The following SLC22A3 variants were observed in gnomAD, a reference collection of about 807,000 sequenced individuals.
SLC22A3 encodes EMT organic cation transporter 3.
Under a neutral mutation model 59.1 loss-of-function variants are expected in SLC22A3, and 51 were observed. The observed-to-expected ratio is 0.86, with a 90% CI of 0.69 to 1.09. SLC22A3 has a LOEUF of 1.09. Ranked by LOEUF, SLC22A3 falls within the 50% of genes least tolerant of loss-of-function variation. SLC22A3 has a pLI of 0.00. For missense variants in SLC22A3, 711 were observed against 726.3 expected, an observed-to-expected ratio of 0.98 and a Z score of 0.24; for synonymous variants, 325 against 292.0, an observed-to-expected ratio of 1.11 and a Z score of -1.15.
intron 1 of SLC22A3, among the ~76,000 whole-genome samples, chr6:160,352,189 G>A (rs138160767): frequency 1.2e-4 from 18 of 152,260 alleles, no homozygotes; most frequent in Non-Finnish European, 2.2e-4. Flanking sequence ...CACCACCTTC[G>A]CATCTTACAA....
intron 1 of SLC22A3, among the ~76,000 whole-genome samples, chr6:160,363,527 G>A (rs1785096524): frequency 6.6e-6 from 1 of 152,298 alleles, no homozygotes; most frequent in South Asian, 2.1e-4. Context: ...TCCACCTGCA[G>A]CTGGCTCTGA....
intron 4 of SLC22A3, among the ~76,000 whole-genome samples, chr6:160,410,397 TAAATC>T (rs1230312535): frequency 1.3e-5 from 2 of 152,250 alleles, no homozygotes; most frequent in Admixed American, 1.3e-4. Context: ...TCAGTTTACA[TAAATC>T]AGATTCCTAA....
chr6:160,363,232 G>A (rs982081062), intron 1 of SLC22A3, among the ~76,000 whole-genome samples: 1 of 152,230 alleles, frequency 6.6e-6, no homozygotes, highest in Non-Finnish European at 1.5e-5. Context: ...TCCAGGTGAG[G>A]GAAGTGACCT....
intron 1 of SLC22A3, among the ~76,000 whole-genome samples, chr6:160,355,328 A>G (rs1049702157): frequency 1.3e-5 from 2 of 152,044 alleles, no homozygotes; most frequent in Non-Finnish European, 1.5e-5. Context: ...CCTCCACCCC[A>G]TGTCTCCGCC....
At chr6:160,429,471 C>T (rs528239522) in intron 5 of SLC22A3, among the ~76,000 whole-genome samples, 12 of 152,314 alleles carry the variant, frequency 7.9e-5, no homozygotes, top group African/African-American at 2.2e-4. Context: ...GTATTTCTCC[C>T]TCCTAAACCT....
chr6:160,426,976 C>T (rs1787983007), intron 5 of SLC22A3, among the ~76,000 whole-genome samples: 1 of 152,076 alleles, frequency 6.6e-6, no homozygotes, highest in African/African-American at 2.4e-5. Context: ...TTTTTCCAGC[C>T]CCCTCAGTGC....
At chr6:160,397,469 C>T (rs1259264010) in intron 1 of SLC22A3, among the ~76,000 whole-genome samples, 1 of 152,078 alleles carries the variant, frequency 6.6e-6, no homozygotes, top group Non-Finnish European at 1.5e-5. Flanking sequence ...GGCGCGGTGG[C>T]TCACTCCTAT....
chr6:160,381,972 AT>A (rs1238185959), intron 1 of SLC22A3, among the ~76,000 whole-genome samples: 1 of 152,220 alleles, frequency 6.6e-6, no homozygotes, highest in Non-Finnish European at 1.5e-5. Flanking sequence ...TCTTAATAAA[AT>A]AAATCATTTA....
chr6:160,384,614 G>A (rs1216169330), intron 1 of SLC22A3, among the ~76,000 whole-genome samples: 1 of 152,096 alleles, frequency 6.6e-6, no homozygotes, highest in Admixed American at 6.5e-5. Flanking sequence ...GCTTTAAGAG[G>A]AGCATCCAGA....
At position 160,410,738 on chromosome 6, in the gene SLC22A3, T is replaced by C; in HGVS notation, c.867T>C (p.Pro289=). Residue 289 remains proline (P), a synonymous_variant, in exon 5 of 11, where the codon CCT becomes CCC. Transcript: ENST00000275300. ...FLFLLYYWVV[P]ESPRWLITRK... is the part of the protein sequence containing the mutation. Reference sequence around the variant, plus strand: ...CCTCCTTCTTTGCCAGGGTGGTCCCTGAGTCTCCCCGTTGGCTGATTACTC... The same window carrying C: ...CCTCCTTCTTTGCCAGGGTGGTCCCCGAGTCTCCCCGTTGGCTGATTACTC... 6.2e-7 allele frequency: 1 copy of C among 1,611,524 alleles called. No individual in the cohort carries two copies.
chr6:160,392,016 A>G (rs1466234196), intron 1 of SLC22A3, among the ~76,000 whole-genome samples: 3 of 152,194 alleles, frequency 2.0e-5, no homozygotes, highest in East Asian at 3.9e-4. Flanking sequence ...CTAAGAGCCT[A>G]TATCTCATAA....
Position 160,451,378 on chromosome 6 carries a change from C to A in SLC22A3, c.*322C>A. ...AGGCTAAAGAGAGACAAGAGAAGCC[C>A]CCAACCTGATTCTCATGACAGCTCC... is the stretch of plus-strand genomic sequence containing the variant. On this transcript the variant is annotated 3_prime_UTR_variant, in exon 11 of 11. Coordinates refer to ENST00000275300, the MANE Select transcript of SLC22A3 (RefSeq NM_021977.4). The A allele has an allele frequency of 3.4e-6, 1 of 296,130 alleles. No individual in the cohort carries two copies. Among genetic ancestry groups the A allele is most frequent in the South Asian group, 4.9e-5 (1 of 20,392 alleles). The allele number at this position is 296,130 out of a possible 1,614,324, so 18.3% of individuals were successfully genotyped here.
chr6:160,351,358 G>A (rs537853273), intron 1 of SLC22A3, among the ~76,000 whole-genome samples: 5 of 152,270 alleles, frequency 3.3e-5, no homozygotes, highest in East Asian at 1.9e-4. Context: ...CTCGTGATCC[G>A]CCCGCCTTGG....
chr6:160,451,042 C>T lies in SLC22A3; in HGVS notation c.1657C>T (p.Arg553Cys), dbSNP rs765842190. The T allele has an allele frequency of 1.4e-5, 23 of 1,594,012 alleles. No homozygotes were observed. Among genetic ancestry groups the T allele is most frequent in the African/African-American group, 2.7e-5 (2 of 74,324 alleles). ...CAGGAATAAGAAAACCCCAGTTTCC[C>T]GCTCTCACCTTTGAGGCCCCCGACA... ...CGRNKKTPVS[R>C]SHL The change falls in exon 11 of 11, where the codon CGC becomes TGC. Residue 553 changes from arginine (R) to cysteine (C), a missense_variant. Physicochemically the swap from Arg to Cys is radical, Grantham distance 180 (BLOSUM62 -3). Transcript: ENST00000275300.
intron 7 of SLC22A3, among the ~76,000 whole-genome samples, chr6:160,441,030 T>C (rs1334644012): frequency 3.9e-5 from 6 of 152,188 alleles, no homozygotes; most frequent in Non-Finnish European, 8.8e-5. Context: ...GCCTCGGTTA[T>C]AAACCCAAAT....
intron 1 of SLC22A3, among the ~76,000 whole-genome samples, chr6:160,393,945 G>A (rs1786366209): frequency 6.6e-6 from 1 of 152,210 alleles, no homozygotes; most frequent in Non-Finnish European, 1.5e-5. Flanking sequence ...CAGGCTTTCT[G>A]CAAAACGAAG....
intron 1 of SLC22A3, among the ~76,000 whole-genome samples, chr6:160,362,289 A>G (rs1482161967): frequency 1.3e-5 from 2 of 152,216 alleles, no homozygotes; most frequent in African/African-American, 2.4e-5. Flanking sequence ...GGCAATCCAC[A>G]GTTTGTAGAA....
At chr6:160,370,415 C>T (rs899931775) in intron 1 of SLC22A3, among the ~76,000 whole-genome samples, 1 of 152,146 alleles carries the variant, frequency 6.6e-6, no homozygotes, top group Non-Finnish European at 1.5e-5. Context: ...TGGGTATCCA[C>T]GTGAATGTCT....
intron 1 of SLC22A3, among the ~76,000 whole-genome samples, chr6:160,395,998 C>A (rs1008948738): frequency 6.6e-6 from 1 of 152,176 alleles, no homozygotes; most frequent in African/African-American, 2.4e-5. Context: ...TGGAGATTTG[C>A]AAAGATGATC....
Sources: gnomAD v4.1 joint callset for allele counts (sites outside exome capture counted in the v4.1 genomes callset) on GRCh38, gnomAD v4.1.1 for gene constraint, MANE v1.5 for transcripts, NCBI Gene and HGNC (gene_info 2026-07-23, HGNC 2026-07-21) for gene names.